The following PPP1R12A variants were observed in gnomAD, a reference collection of about 807,000 sequenced individuals.
PPP1R12A encodes protein phosphatase 1 regulatory subunit 12A.
In PPP1R12A, 19 loss-of-function variants were observed where a neutral mutation model predicts 139.6. The observed-to-expected ratio is 0.14, with a 90% confidence interval of 0.09 to 0.20. The LOEUF is 0.20. PPP1R12A is among the 10% of genes least tolerant of loss of function. The pLI, the probability that PPP1R12A is intolerant of heterozygous loss-of-function variation, is 1.00. For synonymous variants in PPP1R12A, 427 were observed against 420.6 expected (o/e 1.02, Z -0.19); for missense variants, 925 against 1,211.5 (o/e 0.76, Z 3.51).
chr12:79,887,381 T>G (rs145311326), intron 1 of PPP1R12A, among the ~76,000 whole-genome samples: 16 of 152,194 alleles, frequency 1.1e-4, no homozygotes, highest in African/African-American at 3.1e-4. Context: ...CAGTGCTATT[T>G]CAATAAATTT....
chr12:79,875,303 C>T (rs1882993691), intron 1 of PPP1R12A, among the ~76,000 whole-genome samples: 1 of 152,130 alleles, frequency 6.6e-6, no homozygotes, highest in Non-Finnish European at 1.5e-5. Context: ...TTACCAGGAC[C>T]CCTGCCCAAG....
chr12:79,892,538 T>C (rs1333757070), intron 1 of PPP1R12A, among the ~76,000 whole-genome samples: 2 of 152,158 alleles, frequency 1.3e-5, no homozygotes, highest in Non-Finnish European at 2.9e-5. Flanking sequence ...TTGAGGGAAA[T>C]ATAAATTTTC....
intron 3 of PPP1R12A, among the ~76,000 whole-genome samples, chr12:79,843,895 G>C (rs1211775063): frequency 2.6e-5 from 4 of 151,878 alleles, no homozygotes. Context: ...AGTAGAGACA[G>C]GGTTTCACCA....
intron 9 of PPP1R12A, among the ~76,000 whole-genome samples, chr12:79,813,850 T>G (rs911654717): frequency 6.6e-6 from 1 of 152,212 alleles, no homozygotes; most frequent in Non-Finnish European, 1.5e-5. Context: ...TAAAACTGTT[T>G]CGTGTGCTTC....
chr12:79,796,546 G>A (rs1872538914), intron 17 of PPP1R12A, among the ~76,000 whole-genome samples: 3 of 152,064 alleles, frequency 2.0e-5, no homozygotes, highest in South Asian at 2.1e-4. Flanking sequence ...CGTTGTAGGT[G>A]GACATGAAGA....
At chr12:79,862,565 C>T (rs1881463745) in intron 2 of PPP1R12A, among the ~76,000 whole-genome samples, 3 of 152,200 alleles carry the variant, frequency 2.0e-5, no homozygotes, top group Middle Eastern at 6.8e-3. Context: ...AAGCTAAAAA[C>T]CTTGAAAAAA....
intron 9 of PPP1R12A, among the ~76,000 whole-genome samples, chr12:79,812,375 A>C (rs1874657211): frequency 2.5e-5 from 1 of 40,638 alleles, no homozygotes; most frequent in Non-Finnish European, 6.6e-5. Context: ...CCTTTTCTTG[A>C]CTGACTCTGT....
intron 14 of PPP1R12A, among the ~76,000 whole-genome samples, chr12:79,800,245 G>A (rs1361756891): frequency 6.6e-6 from 1 of 152,088 alleles, no homozygotes; most frequent in Non-Finnish European, 1.5e-5. Context: ...TACACCAAGT[G>A]TGCCTGCCTC....
At chr12:79,873,493 A>AT (rs974828466) in intron 1 of PPP1R12A, among the ~76,000 whole-genome samples, 27 of 69,440 alleles carry the variant, frequency 3.9e-4, no homozygotes, top group Non-Finnish European at 9.0e-4. Context: ...TGTACTCATA[A>AT]TTTAAAAAAA....
chr12:79,929,841 T>C (rs1057199140), intron 1 of PPP1R12A, among the ~76,000 whole-genome samples: 1 of 152,176 alleles, frequency 6.6e-6, no homozygotes, highest in African/African-American at 2.4e-5. Flanking sequence ...AGTTTTTAAT[T>C]TGTTTCATAA....
chr12:79,812,382 C>CTGTGTGCG (rs370114772), intron 9 of PPP1R12A, among the ~76,000 whole-genome samples: 15,080 of 112,462 alleles, frequency 0.13, 1,207 homozygotes, highest in Admixed American at 0.19. Flanking sequence ...TTGACTGACT[C>CTGTGTGCG]TGTGTGTGCG....
intron 9 of PPP1R12A, among the ~76,000 whole-genome samples, chr12:79,811,932 ATAACATTTATTGTTATAAATGAAGC>A (rs1449094852): frequency 9.8e-5 from 15 of 152,344 alleles, no homozygotes; most frequent in East Asian, 9.7e-4. Context: ...AGTCAGTCAG[ATAACATTTATTGTTATAAATGAAGC>A]TAACATTTAT....
chr12:79,881,249 T>C (rs909471886), intron 1 of PPP1R12A, among the ~76,000 whole-genome samples: 4 of 152,106 alleles, frequency 2.6e-5, no homozygotes, highest in Non-Finnish European at 5.9e-5. Flanking sequence ...GTGAGAAAGG[T>C]ATGCTGAGGT....
intron 18 of PPP1R12A, 54 bp downstream of exon 18, chr12:79,795,583 CA>C: frequency 1.3e-6 from 2 of 1,525,188 alleles, no homozygotes; most frequent in Non-Finnish European, 1.8e-6. Flanking sequence ...TTTTTGGACA[CA>C]TTAAGAATAC....
intron 2 of PPP1R12A, among the ~76,000 whole-genome samples, chr12:79,849,983 C>T (rs1022691473): frequency 3.9e-5 from 6 of 152,028 alleles, no homozygotes; most frequent in African/African-American, 1.4e-4. Context: ...ACTACAACAC[C>T]CAGCTAAATT....
At chr12:79,782,773 T>A (rs1292071890) in intron 22 of PPP1R12A, among the ~76,000 whole-genome samples, 2 of 152,206 alleles carry the variant, frequency 1.3e-5, no homozygotes, top group African/African-American at 4.8e-5. Flanking sequence ...ATAACCAATT[T>A]TACTAATTTA....
chr12:79,872,696 T>C, intron 2 of PPP1R12A, 112 bp downstream of exon 2: 1 of 1,172,584 alleles, frequency 8.5e-7, no homozygotes, highest in Non-Finnish European at 1.2e-6. Context: ...AAAGAATAAT[T>C]TTCATGAATT....
intron 2 of PPP1R12A, among the ~76,000 whole-genome samples, chr12:79,866,079 G>C (rs1433526412): frequency 1.3e-5 from 2 of 152,116 alleles, no homozygotes; most frequent in African/African-American, 4.8e-5. Flanking sequence ...TTACTAGAAG[G>C]CTACAGTAAC....
At chr12:79,832,567 A>C in intron 3 of PPP1R12A, 76 bp from the exon 4 acceptor site, 4 of 1,360,782 alleles carry the variant, frequency 2.9e-6, no homozygotes, top group Non-Finnish European at 3.9e-6. Flanking sequence ...TATCCAAAAC[A>C]TGTCAAGTTT....
Sources: gnomAD v4.1 joint callset for allele counts (sites outside exome capture counted in the v4.1 genomes callset) on GRCh38, gnomAD v4.1.1 for gene constraint, MANE v1.5 for transcripts, NCBI Gene and HGNC (gene_info 2026-07-23, HGNC 2026-07-21) for gene names.